Variants in KCNK13 observed in about 807,000 individuals in gnomAD.
KCNK13 encodes potassium channel subfamily K member 13.
KCNK13 carries 12 observed loss-of-function variants against 23.4 expected under a neutral mutation model. The observed-to-expected ratio is 0.51, with a 90% CI of 0.33 to 0.83. The LOEUF (loss-of-function observed/expected upper bound fraction) is 0.83. KCNK13 is among the 40% of genes least tolerant of loss of function. The pLI is 0.02. For synonymous variants in KCNK13, 231 were observed against 229.5 expected (o/e 1.01, Z -0.06); for missense variants, 463 against 556.3 (o/e 0.83, Z 1.69).
chr14:90,086,666 A>G (rs1889279403), intron 1 of KCNK13, among the ~76,000 whole-genome samples: 1 of 152,058 alleles, frequency 6.6e-6, no homozygotes, highest in Non-Finnish European at 1.5e-5. Context: ...CTTGGTTTGA[A>G]TGGTGTCTTT....
rs151335498 is a variant in KCNK13, at chr14:90,087,463, G to A, written c.334+24924G>A. Among the ~76,000 whole-genome samples the A allele has an allele frequency of 2.7e-3, 416 of 152,254 alleles. 3 individuals carry two copies. Among genetic ancestry groups the A allele is most frequent in the African/African-American group, 9.6e-3 (398 of 41,528 alleles). On this transcript the variant is annotated intron_variant, in intron 1 of 1. Transcript: ENST00000282146. ...TTCCCCAGACTGCCAAAGGCTCCGG[G>A]TAGCAGAAAACAGGAATTGAGAACC...
rs115713894 is a variant in KCNK13 at position 90,184,661 on chromosome 14, C to A, written c.885C>A (p.Asp295Glu). The change falls in exon 2 of 2, where the codon GAC becomes GAA. Residue 295 changes from aspartate (D) to glutamate (E), a missense_variant. Transcript: ENST00000282146. The surrounding 1 kb of genome is among the most constrained non-coding windows in gnomAD (Gnocchi z 5.6). ...QSLNWILRKMDSGCCPQCQRG... is the reference protein window; with the variant it reads ...QSLNWILRKMESGCCPQCQRG... ...TGAACTGGATCCTGAGGAAAATGGA[C>A]AGCGGGTGCTGCCCGCAATGCCAGA... The A allele has an allele frequency of 6.2e-7, 1 of 1,614,252 alleles. No homozygotes were observed. Among genetic ancestry groups the A allele is most frequent in the East Asian group, 2.2e-5 (1 of 44,880 alleles).
chr14:90,184,532 G>C lies in KCNK13; in HGVS notation c.756G>C (p.Glu252Asp). Reference sequence around the variant, plus strand: ...TCAGCAGCCAGAACGCCCACTATGAGAGCCAAGGCCTCTATCGCTTTGCCA... The same window carrying C: ...TCAGCAGCCAGAACGCCCACTATGACAGCCAAGGCCTCTATCGCTTTGCCA... ...DLVSSQNAHY[E>D]SQGLYRFANF... is the part of the protein sequence containing the mutation. The change falls in exon 2 of 2, where the codon GAG (glutamate) becomes GAC (aspartate). Residue 252 changes from glutamate (E) to aspartate (D), a missense_variant. Glu to Asp is a conservative substitution (Grantham distance 45). Transcript: ENST00000282146. This position sits in a 1 kb window ranked among gnomAD's most constrained non-coding sequence, Gnocchi z 5.6. 6.2e-7 allele frequency: 1 copy of C among 1,614,254 alleles called. No individual in the cohort carries two copies. The highest frequency in any genetic ancestry group is 8.5e-7 in the Non-Finnish European group (1 of 1,180,046).
At chr14:90,101,987 G>A (rs890117344) in intron 1 of KCNK13, among the ~76,000 whole-genome samples, 3 of 151,376 alleles carry the variant, frequency 2.0e-5, no homozygotes, top group African/African-American at 7.3e-5. Flanking sequence ...AGGTTCAAGC[G>A]ATTCTCCTGC....
intron 1 of KCNK13, among the ~76,000 whole-genome samples, chr14:90,136,525 A>T (rs200268185): frequency 0.019 from 2,891 of 152,246 alleles, 43 homozygotes; most frequent in Middle Eastern, 0.027. Context: ...AAAAAAAAAA[A>T]ATCTTAGCAA....
chr14:90,092,844 C>T (rs1289437852), intron 1 of KCNK13, among the ~76,000 whole-genome samples: 12 of 140,298 alleles, frequency 8.6e-5, no homozygotes, highest in African/African-American at 3.2e-4. Flanking sequence ...CCCAGGAGGT[C>T]GAGGCTGCAG....
chr14:90,141,794 T>TGGA lies in KCNK13; in HGVS notation c.335-42315_335-42314insAGG, dbSNP rs1555351990. Among the ~76,000 whole-genome samples the TGGA allele has an allele frequency of 6.4e-5, 8 of 125,546 alleles. 1 individual carries two copies. The highest frequency in any genetic ancestry group is 2.5e-4 in the Admixed American group (3 of 11,784). 82.4% of individuals were successfully genotyped at this position (125,546 alleles called of 152,430 possible). A position where few individuals can be genotyped will look rare whatever the true frequency, so the allele number is the denominator to read the frequency against. ...TGGGTTTTTGTTTTGTTTTGTTTTT[T>TGGA]GGGGGGGGGGACGGAGCCTTGCTCT... On this transcript the variant is annotated intron_variant, in intron 1 of 1. Transcript: ENST00000282146.
intron 1 of KCNK13, among the ~76,000 whole-genome samples, chr14:90,080,063 G>A (rs548932422): frequency 5.8e-4 from 88 of 152,288 alleles, no homozygotes; most frequent in African/African-American, 1.5e-3. Context: ...GTCTGAGGAC[G>A]GGATACCAAA....
At chr14:90,177,542 G>T (rs1277882668) in intron 1 of KCNK13, among the ~76,000 whole-genome samples, 1 of 152,096 alleles carries the variant, frequency 6.6e-6, no homozygotes, top group Non-Finnish European at 1.5e-5. Context: ...ATAGATAATT[G>T]GTTTTCGGAG....
chr14:90,154,269 CTGCTCTCCTACCCACAATGCTG>C (rs1890168989), intron 1 of KCNK13, among the ~76,000 whole-genome samples: 2 of 151,616 alleles, frequency 1.3e-5, no homozygotes, highest in South Asian at 4.2e-4. Context: ...CCCACAATGC[CTGCTCTCCTACCCACAATGCTG>C]TGCTCTCCTA....
intron 1 of KCNK13, among the ~76,000 whole-genome samples, chr14:90,099,573 G>A (rs968915881): frequency 1.3e-5 from 2 of 152,136 alleles, no homozygotes; most frequent in Non-Finnish European, 2.9e-5. Flanking sequence ...TGTATATATA[G>A]CATCAAGTTT....
At chr14:90,141,651 T>A (rs993426108) in intron 1 of KCNK13, among the ~76,000 whole-genome samples, 3 of 151,802 alleles carry the variant, frequency 2.0e-5, no homozygotes, top group African/African-American at 7.3e-5. Flanking sequence ...AGAGACGAGA[T>A]TTCACCATGT....
intron 1 of KCNK13, among the ~76,000 whole-genome samples, chr14:90,143,138 G>C (rs1890029095): frequency 1.1e-5 from 1 of 88,160 alleles, no homozygotes; most frequent in African/African-American, 3.6e-5. Flanking sequence ...TTTAGGAGAA[G>C]AGCAGAAACT....
intron 1 of KCNK13, among the ~76,000 whole-genome samples, chr14:90,125,847 A>G (rs1358197813): frequency 6.6e-6 from 1 of 151,962 alleles, no homozygotes; most frequent in African/African-American, 2.4e-5. Context: ...ACATGGTGAA[A>G]CCTCATCTCT....
chr14:90,087,126 A>T (rs1889285691), intron 1 of KCNK13, among the ~76,000 whole-genome samples: 1 of 87,396 alleles, frequency 1.1e-5, no homozygotes, highest in Admixed American at 1.3e-4. Context: ...ACATATATAT[A>T]TACATATATA....
At chr14:90,153,651 T>C (rs1194012865) in intron 1 of KCNK13, among the ~76,000 whole-genome samples, 1 of 152,230 alleles carries the variant, frequency 6.6e-6, no homozygotes, top group East Asian at 1.9e-4. Flanking sequence ...TATTGTGGTA[T>C]GGATGAAGTT....
chr14:90,127,617 A>G (rs1348378130), intron 1 of KCNK13, among the ~76,000 whole-genome samples: 1 of 148,722 alleles, frequency 6.7e-6, no homozygotes, highest in East Asian at 2.0e-4. Flanking sequence ...GTTTGAGACC[A>G]GCCTGGGCAA....
At chr14:90,082,937 T>C (rs1333910104) in intron 1 of KCNK13, among the ~76,000 whole-genome samples, 1 of 152,226 alleles carries the variant, frequency 6.6e-6, no homozygotes, top group Admixed American at 6.5e-5. Flanking sequence ...CCACACCCTT[T>C]CCAACACTTT....
chr14:90,146,901 C>T (rs1890079579), intron 1 of KCNK13, among the ~76,000 whole-genome samples: 1 of 150,940 alleles, frequency 6.6e-6, no homozygotes, highest in Non-Finnish European at 1.5e-5. Context: ...TCCATTTTGT[C>T]GTCTTTGTTG....
Sources: gnomAD v4.1 joint callset for allele counts (sites outside exome capture counted in the v4.1 genomes callset) on GRCh38, gnomAD v4.1.1 for gene constraint, Gnocchi (gnomAD v3.1) non-coding constraint, MANE v1.5 for transcripts, NCBI Gene and HGNC (gene_info 2026-07-23, HGNC 2026-07-21) for gene names.